ALOX12: variants seen among roughly 807,000 people sequenced by gnomAD.
ALOX12 encodes the protein polyunsaturated fatty acid lipoxygenase ALOX12.
A neutral mutation model predicts 85.5 loss-of-function variants in ALOX12; 62 were observed. The ratio of observed to expected loss-of-function variants is 0.73; its 90% CI spans 0.59 to 0.90. ALOX12 has a LOEUF of 0.90. Ranked by LOEUF, ALOX12 falls within the 40% of genes least tolerant of loss-of-function variation. The pLI is 0.00. For synonymous variants in ALOX12, 299 were observed against 332.7 expected (o/e 0.90, Z 1.10); for missense variants, 751 against 856.5 (o/e 0.88, Z 1.54).
chr17:7,009,896 G>A, intron 12 of ALOX12, 49 bp downstream of exon 12: 4 of 1,613,936 alleles, frequency 2.5e-6, no homozygotes. Context: ...TGACCTGAGG[G>A]AGAGATGGGA....
intron 11 of ALOX12, among the ~76,000 whole-genome samples, chr17:7,007,305 T>C (rs1407123981): frequency 6.6e-6 from 1 of 152,194 alleles, no homozygotes; most frequent in Admixed American, 6.5e-5. Context: ...GCTGAGCTCT[T>C]AGGTTTAATC....
intron 11 of ALOX12, among the ~76,000 whole-genome samples, chr17:7,007,117 G>A (rs1909125788): frequency 6.6e-6 from 1 of 152,164 alleles, no homozygotes; most frequent in Non-Finnish European, 1.5e-5. Context: ...CTTGATGCAA[G>A]CTCAATCCTA....
At chr17:7,007,083 G>A (rs533572453) in intron 11 of ALOX12, among the ~76,000 whole-genome samples, 13 of 152,114 alleles carry the variant, frequency 8.5e-5, no homozygotes, top group Admixed American at 3.3e-4. Context: ...AATACCGCAC[G>A]CTTGCTACAG....
intron 9 of ALOX12, among the ~76,000 whole-genome samples, 198 bp downstream of exon 9, chr17:7,005,541 C>T (rs949017350): frequency 1.6e-5 from 2 of 125,070 alleles, no homozygotes; most frequent in Non-Finnish European, 3.1e-5. Flanking sequence ...AGTGCAGTGG[C>T]GCCATCTCGG....
intron 2 of ALOX12, among the ~76,000 whole-genome samples, chr17:6,998,230 G>A (rs926920102): frequency 2.0e-5 from 3 of 152,092 alleles, no homozygotes; most frequent in African/African-American, 7.2e-5. Context: ...GTAAGGCCAG[G>A]TAGGGGAAGA....
chr17:7,008,196 A>G (rs944226294), intron 11 of ALOX12, among the ~76,000 whole-genome samples: 1 of 152,224 alleles, frequency 6.6e-6, no homozygotes, highest in African/African-American at 2.4e-5. Context: ...AATTTTTCGG[A>G]GCCAAAGACA....
intron 8 of ALOX12, among the ~76,000 whole-genome samples, chr17:7,002,811 T>A (rs1027450817): frequency 1.3e-5 from 2 of 151,908 alleles, no homozygotes; most frequent in Non-Finnish European, 2.9e-5. Flanking sequence ...CAAACCAGAG[T>A]AATTGTCAGA....
Position 6,998,457 on chromosome 17 carries a change from G to A in ALOX12, c.338-52G>A, listed in dbSNP as rs374611584. Reference sequence around the variant, plus strand: ...CCACAGGGAGATGAGGACAAGAGGCGGGCATAGGACCAGACAGAGCCGTGA... The same window carrying A: ...CCACAGGGAGATGAGGACAAGAGGCAGGCATAGGACCAGACAGAGCCGTGA... On this transcript the variant is annotated intron_variant, in intron 2 of 13. Coordinates refer to ENST00000251535, the MANE Select transcript of ALOX12 (RefSeq NM_000697.3). 5.7e-5 allele frequency: 69 copies of A among 1,200,388 alleles called. 1 individual carries two copies. In the Middle Eastern group the frequency reaches 1.3e-3, roughly 23 times the overall value. The allele number at this position is 1,200,388 out of a possible 1,614,324, so 74.4% of individuals were successfully genotyped here.
intron 8 of ALOX12, among the ~76,000 whole-genome samples, chr17:7,003,824 T>C (rs1358424329): frequency 6.6e-6 from 1 of 152,180 alleles, no homozygotes; most frequent in Non-Finnish European, 1.5e-5. Context: ...GCATCTTTCA[T>C]GAATCTTCTG....
In ALOX12 at chr17:6,999,454, G is replaced by A. The variant is rs1908606058; in HGVS notation, c.795G>A (p.Glu265=). Residue 265 remains glutamate, a synonymous_variant, in exon 6 of 14, where the codon GAG becomes GAA. Coordinates refer to ENST00000251535, the MANE Select transcript of ALOX12 (RefSeq NM_000697.3). The part of the protein sequence containing the change: ...SGMEELQAQL[E]KELQNGSLFE... ...TGGAAGAGCTTCAGGCTCAACTGGA[G>A]AAAGAACTTCAGGTACCTCTCCTTC... 1.2e-6 allele frequency: 2 copies of A among 1,614,028 alleles called. No homozygotes were observed. The highest frequency in any genetic ancestry group is 1.7e-5 in the Admixed American group (1 of 60,000).
chr17:7,000,383 A>C lies in ALOX12; in HGVS notation c.855A>C (p.Pro285=), dbSNP rs1908652391. The stretch of plus-strand genomic sequence containing the variant: ...ACTTCATCCTTCTGGATGGAATTCC[A>C]GCCAACGTGATCCGAGGAGAGAAGC... The part of the protein sequence containing the change: ...EADFILLDGI[P]ANVIRGEKQY... The change falls in exon 7 of 14, where the codon CCA becomes CCC. Residue 285 remains proline, a synonymous_variant. Transcript: ENST00000251535. The surrounding 1 kb of genome is among the most constrained non-coding windows in gnomAD (Gnocchi z 4.6). 2 of 1,614,086 alleles carry C rather than the reference A, an allele frequency of 1.2e-6. No homozygotes were observed. Among genetic ancestry groups the C allele is most frequent in the African/African-American group, 1.3e-5 (1 of 74,928 alleles).
rs543623355 is a variant in ALOX12, at chr17:7,009,247, G to C, written c.1541-500G>C. Among the ~76,000 whole-genome samples the C allele has an allele frequency of 9.2e-5, 14 of 151,868 alleles. No homozygotes were observed. In the South Asian group the frequency reaches 2.9e-3, roughly 32 times the overall value. On this transcript the variant is annotated intron_variant, in intron 11 of 13. Coordinates refer to ENST00000251535, the MANE Select transcript of ALOX12 (RefSeq NM_000697.3). ...GCTAACTTTTCGTATTTTTAGTAGA[G>C]ACGGGGTTTCACCGTGTTAGCCAGG...
At chr17:7,005,402 C>T in intron 9 of ALOX12, 59 bp downstream of exon 9, 1 of 1,426,612 alleles carries the variant, frequency 7.0e-7, no homozygotes, top group African/African-American at 1.4e-5. Context: ...CTGCCACTTT[C>T]AGGATCCAAG....
chr17:6,996,212 A>T lies in ALOX12; in HGVS notation c.95A>T (p.Glu32Val). ...CTTTGGCTGGTCGGGACGCGCGGGG[A>T]GGCGGAGCTGGAGCTGCAGCTGCGG... The part of the protein sequence containing the change: ...VQLWLVGTRG[E>V]AELELQLRPA... The change falls in exon 1 of 14, where the codon GAG (glutamate) becomes GTG (valine). Residue 32 changes from glutamate to valine, a missense_variant. Glu to Val is a moderately radical substitution (Grantham distance 121). Coordinates refer to ENST00000251535, the MANE Select transcript of ALOX12 (RefSeq NM_000697.3). 1 of 1,250,536 alleles carries T rather than the reference A, an allele frequency of 8.0e-7. No individual in the cohort carries two copies. The highest frequency in any genetic ancestry group is 3.9e-5 in the South Asian group (1 of 25,522). The allele number at this position is 1,250,536 out of a possible 1,614,324, so 77.5% of individuals were successfully genotyped here. A position where few individuals can be genotyped will look rare whatever the true frequency, so the allele number is the denominator to read the frequency against.
chr17:7,004,471 A>T (rs931727765), intron 8 of ALOX12, among the ~76,000 whole-genome samples: 8 of 146,510 alleles, frequency 5.5e-5, no homozygotes, highest in African/African-American at 1.7e-4. Flanking sequence ...TTAAATTAAA[A>T]TTTTAATTTA....
Position 7,006,137 on chromosome 17 carries a change from C to CAAT in ALOX12, c.1418+111_1418+113dup. 4.3e-6 allele frequency: 4 copies of CAAT among 927,772 alleles called. No homozygotes were observed. In the South Asian group the frequency reaches 4.7e-5, roughly 11 times the overall value. The allele number at this position is 927,772 out of a possible 1,614,324, so 57.5% of individuals were successfully genotyped here. On this transcript the variant is annotated intron_variant, in intron 10 of 13. Coordinates refer to ENST00000251535, the MANE Select transcript of ALOX12 (RefSeq NM_000697.3). ...GTCCAGAAAGGAGAAGCAGAGAACT[C>CAAT]AATCCTGGGGAGAGATGAGGAAAAG...
intron 10 of ALOX12, 33 bp downstream of exon 10, chr17:7,006,060 C>CTGG (rs746409079): frequency 0.028 from 2,582 of 91,246 alleles, 1,101 homozygotes; most frequent in East Asian, 0.051. Context: ...ATGGTGGGGC[C>CTGG]GGGGGGGGGG....
chr17:7,010,202 C>G (rs765475683), intron 13 of ALOX12, 42 bp from the exon 14 acceptor site: 1 of 1,601,144 alleles, frequency 6.2e-7, no homozygotes, highest in Non-Finnish European at 8.5e-7. Context: ...GCTCTAGGTG[C>G]GTTTGTCTTT....
rs772153398 is a variant in ALOX12 at position 7,005,897 on chromosome 17, C to G, written c.1288C>G (p.Arg430Gly). The change falls in exon 10 of 14, where the codon CGT (arginine) becomes GGT (glycine). Residue 430 changes from arginine (R) to glycine (G), a missense_variant. Transcript: ENST00000251535. ...TGGAGGGGGCCATGTACAGTTGCTC[C>G]GTCGGGCGGCAGCTCAGCTGACCTA... ...TGGGGHVQLL[R>G]RAAAQLTYCS... 1 of 1,613,440 alleles carries G rather than the reference C, an allele frequency of 6.2e-7. No homozygotes were observed.
Sources: gnomAD v4.1 joint callset for allele counts (sites outside exome capture counted in the v4.1 genomes callset) on GRCh38, gnomAD v4.1.1 for gene constraint, Gnocchi (gnomAD v3.1) non-coding constraint, MANE v1.5 for transcripts, NCBI Gene and HGNC (gene_info 2026-07-23, HGNC 2026-07-21) for gene names.